SLC12A2: variants seen among roughly 807,000 people sequenced by gnomAD.
SLC12A2 encodes the protein solute carrier family 12 member 2, also known as Na-K-2Cl cotransporter 1.
SLC12A2 carries 67 observed loss-of-function variants against 136.3 expected under a neutral mutation model. The observed-to-expected ratio is 0.49, with a 90% CI of 0.40 to 0.60. The LOEUF (loss-of-function observed/expected upper bound fraction) is 0.60, where lower values mean the gene tolerates loss of function less well. Among genes scored for constraint, SLC12A2 ranks in the 20% least tolerant of loss-of-function variants. The pLI, the probability that SLC12A2 is intolerant of heterozygous loss-of-function variation, is 0.00. For synonymous variants in SLC12A2, 619 were observed against 562.9 expected (o/e 1.10, Z -1.41); for missense variants, 1,322 against 1,534.7 (o/e 0.86, Z 2.32).
At chr5:128,131,046 T>G (rs1762002501) in intron 4 of SLC12A2, 21 bp from the exon 5 acceptor site, 3 of 1,593,208 alleles carry the variant, frequency 1.9e-6, no homozygotes, top group African/African-American at 1.3e-5. Flanking sequence ...CTGTTTTTTT[T>G]GTTTGTTTGT....
rs746560466 is a variant in SLC12A2, at chr5:128,141,955, T to C, written c.1747T>C (p.Ser583Pro). The change falls in exon 10 of 27, where the codon TCC (serine) becomes CCC (proline). Residue 583 changes from serine (S) to proline (P), a missense_variant. Around this residue, in one of 8 missense-constraint regions of SLC12A2, gnomAD observed 294 missense variants for 436.6 expected, o/e 0.67. Transcript: ENST00000262461. ...TTCATCTTGTGAAAGCAGTCCTTGT[T>C]CCTATGGCCTAATGAACAACTTCCA... ...DFSSCESSPC[S>P]YGLMNNFQVM... 4.3e-6 allele frequency: 7 copies of C among 1,613,974 alleles called. No homozygotes were observed. The highest frequency in any genetic ancestry group is 3.4e-6 in the Non-Finnish European group (4 of 1,179,892).
chr5:128,174,469 C>A, intron 19 of SLC12A2, 72 bp from the exon 20 acceptor site: 2 of 1,133,742 alleles, frequency 1.8e-6, no homozygotes, highest in Non-Finnish European at 2.5e-6. Context: ...AGTTTAATTA[C>A]TAAACCATAA....
chr5:128,177,743 A>G (rs867728871), intron 21 of SLC12A2: 3 of 152,232 alleles, frequency 2.0e-5, no homozygotes, highest in African/African-American at 7.2e-5. Flanking sequence ...GTGACATTCT[A>G]CAGAAGTGAT....
intron 1 of SLC12A2, among the ~76,000 whole-genome samples, chr5:128,102,618 T>C (rs1561657644): frequency 8.9e-6 from 1 of 112,538 alleles, no homozygotes; most frequent in African/African-American, 3.4e-5. Context: ...TTTTTTTTTT[T>C]TTTTTTTTTC....
chr5:128,107,156 T>TCAG (rs1439811144), intron 1 of SLC12A2, among the ~76,000 whole-genome samples: 1 of 152,190 alleles, frequency 6.6e-6, no homozygotes, highest in Non-Finnish European at 1.5e-5. Flanking sequence ...CATTTCTTAT[T>TCAG]ATTTGGGATT....
chr5:128,086,804 G>C (rs962277092), intron 1 of SLC12A2, among the ~76,000 whole-genome samples: 1 of 152,200 alleles, frequency 6.6e-6, no homozygotes, highest in Non-Finnish European at 1.5e-5. Context: ...GCAGACAGGA[G>C]GGGTTATAAC....
chr5:128,100,182 T>G (rs1760696403), intron 1 of SLC12A2, among the ~76,000 whole-genome samples: 1 of 152,138 alleles, frequency 6.6e-6, no homozygotes, highest in African/African-American at 2.4e-5. Flanking sequence ...CATTATAATC[T>G]TATGGGACTA....
Position 128,131,134 on chromosome 5 carries a change from C to T in SLC12A2, c.1116C>T (p.Phe372=), listed in dbSNP as rs186628032. The change falls in exon 5 of 27, where the codon TTC becomes TTT. Residue 372 remains phenylalanine (F), a synonymous_variant. Coordinates refer to ENST00000262461, the MANE Select transcript of SLC12A2 (RefSeq NM_001046.3). ...TTGGTGGTGCAATTGGTCTAATCTT[C>T]GCCTTTGCCAACGCTGTTGCAGTTG... The part of the protein sequence containing the change: ...PEFGGAIGLI[F]AFANAVAVAM... 4.0e-5 allele frequency: 64 copies of T among 1,614,094 alleles called. No individual in the cohort carries two copies. The East Asian group carries it at 6.7e-4, about 17-fold the overall frequency.
At chr5:128,109,619 A>G in intron 1 of SLC12A2, 1 of 764,808 alleles carries the variant, frequency 1.3e-6, no homozygotes, top group South Asian at 1.4e-5. Flanking sequence ...CGTCCTTCCT[A>G]CCCAGTATTT....
intron 4 of SLC12A2, among the ~76,000 whole-genome samples, chr5:128,115,334 A>G (rs1761306869): frequency 6.6e-6 from 1 of 152,176 alleles, no homozygotes; most frequent in South Asian, 2.1e-4. Context: ...CATGTTGGCC[A>G]GGCTGGGCTT....
At position 128,115,281 on chromosome 5, in the gene SLC12A2, C is replaced by T. The variant is rs1304783676; in HGVS notation, c.1048+600C>T. ...CTAGGATTACAGACGTGCACCACCA[C>T]GCCCGGCTAATTTTTGTATTTTTAG... On this transcript the variant is annotated intron_variant, in intron 4 of 26. Transcript: ENST00000262461. Among the ~76,000 whole-genome samples the T allele has an allele frequency of 5.9e-5, 9 of 152,144 alleles. No individual in the cohort carries two copies. In the East Asian group the frequency reaches 7.7e-4, roughly 13 times the overall value.
chr5:128,156,342 A>G (rs1414481262), intron 15 of SLC12A2, among the ~76,000 whole-genome samples: 3 of 151,824 alleles, frequency 2.0e-5, no homozygotes, highest in Non-Finnish European at 4.4e-5. Context: ...TGCTCCAGAT[A>G]TTTTTGTGGT....
chr5:128,126,574 A>G (rs1761803366), intron 4 of SLC12A2, among the ~76,000 whole-genome samples: 3 of 152,202 alleles, frequency 2.0e-5, no homozygotes, highest in South Asian at 4.1e-4. Flanking sequence ...CTGCACTCCC[A>G]TGTTTGTTGC....
intron 5 of SLC12A2, among the ~76,000 whole-genome samples, chr5:128,131,924 G>A (rs1008590766): frequency 6.6e-6 from 1 of 152,192 alleles, no homozygotes; most frequent in African/African-American, 2.4e-5. Context: ...GGAATTGCTA[G>A]AACTGGGGAG....
intron 1 of SLC12A2, among the ~76,000 whole-genome samples, chr5:128,086,728 C>G (rs1760111695): frequency 6.6e-6 from 1 of 152,104 alleles, no homozygotes; most frequent in South Asian, 2.1e-4. Flanking sequence ...AGAATTTTAG[C>G]AGATGGATTA....
Position 128,167,742 on chromosome 5 carries a change from T to C in SLC12A2, c.2617-19T>C, listed in dbSNP as rs1482183327. On this transcript the variant is annotated intron_variant, in intron 17 of 26. Transcript: ENST00000262461. ...TGAAAATAATATATCTGTAAAGTTA[T>C]ATTGACCCTATATTTTAGGCTGCTG... 4.7e-6 allele frequency: 7 copies of C among 1,502,910 alleles called. No homozygotes were observed. Among genetic ancestry groups the C allele is most frequent in the African/African-American group, 1.4e-5 (1 of 71,840 alleles). 93.1% of individuals were successfully genotyped at this position (1,502,910 alleles called of 1,614,324 possible).
Position 128,114,196 on chromosome 5 carries a change from C to T in SLC12A2, c.877-16C>T. The T allele has an allele frequency of 6.3e-7, 1 of 1,598,496 alleles. No individual in the cohort carries two copies. ...TTCTTCTTCCTCTGTGTCTTGGCCT[C>T]TTTTTCCCTCTTTAGGTACGTTGTA... On this transcript the variant is annotated splice_polypyrimidine_tract_variant and intron_variant, in intron 2 of 26. Transcript: ENST00000262461.
rs755895594 is a variant in SLC12A2 at position 128,167,874 on chromosome 5, A to G, written c.2723+7A>G. On this transcript the variant is annotated splice_region_variant and intron_variant, in intron 18 of 26. Coordinates refer to ENST00000262461, the MANE Select transcript of SLC12A2 (RefSeq NM_001046.3). The stretch of plus-strand genomic sequence containing the variant: ...TGTATATAAACTTATTTCAGTAAGT[A>G]TCTTTTTAATTCAATAATTTAGTTC... 1.4e-6 allele frequency: 2 copies of G among 1,427,534 alleles called. No homozygotes were observed. 88.4% of individuals were successfully genotyped at this position (1,427,534 alleles called of 1,614,324 possible).
chr5:128,127,863 C>T (rs551049203), intron 4 of SLC12A2, among the ~76,000 whole-genome samples: 2 of 151,770 alleles, frequency 1.3e-5, no homozygotes, highest in South Asian at 4.2e-4. Flanking sequence ...TTAAGAATAA[C>T]TTTTGGCTTT....
Sources: gnomAD v4.1 joint callset for allele counts (sites outside exome capture counted in the v4.1 genomes callset) on GRCh38, gnomAD v4.1.1 for gene constraint, gnomAD v4.1.1 regional missense constraint, MANE v1.5 for transcripts, NCBI Gene and HGNC (gene_info 2026-07-23, HGNC 2026-07-21) for gene names.